Variants in ZNF385D observed in about 807,000 individuals in gnomAD.
ZNF385D encodes the protein zinc finger protein 659.
A neutral mutation model predicts 35.8 loss-of-function variants in ZNF385D; 15 were observed. The observed-to-expected ratio is 0.42, with a 90% CI of 0.28 to 0.64. ZNF385D has a LOEUF of 0.64. ZNF385D is among the 30% of genes least tolerant of loss of function. The pLI, the probability that ZNF385D is intolerant of heterozygous loss-of-function variation, is 0.23. For synonymous variants in ZNF385D, 212 were observed against 186.8 expected, an observed-to-expected ratio of 1.13 and a Z score of -1.10; for missense variants, 474 against 494.6, an observed-to-expected ratio of 0.96 and a Z score of 0.39.
intron 2 of ZNF385D, among the ~76,000 whole-genome samples, chr3:22,344,177 G>GGGGTGTGTGT (rs1553652922): frequency 6.4e-5 from 9 of 140,846 alleles, no homozygotes; most frequent in Admixed American, 1.4e-4. Flanking sequence ...GGTGGGGTGG[G>GGGGTGTGTGT]GTGTGTGTGT....
intron 4 of ZNF385D, among the ~76,000 whole-genome samples, chr3:21,501,622 A>T (rs1236604497): frequency 6.6e-6 from 1 of 152,198 alleles, no homozygotes; most frequent in African/African-American, 2.4e-5. Flanking sequence ...GTTTTCATAG[A>T]TACTCATTTG....
chr3:22,329,886 T>C (rs1324752811), intron 2 of ZNF385D, among the ~76,000 whole-genome samples: 1 of 152,236 alleles, frequency 6.6e-6, no homozygotes. Flanking sequence ...TGAAATATGG[T>C]ATGTGTTTTA....
At chr3:21,816,712 A>G (rs1198295204) in intron 3 of ZNF385D, among the ~76,000 whole-genome samples, 2 of 152,218 alleles carry the variant, frequency 1.3e-5, no homozygotes, top group African/African-American at 4.8e-5. Flanking sequence ...AGAACATTCC[A>G]TGCTCATAGA....
intron 3 of ZNF385D, among the ~76,000 whole-genome samples, chr3:21,835,379 C>A (rs1695268653): frequency 6.6e-6 from 1 of 151,768 alleles, no homozygotes. Flanking sequence ...GATGAGTTTT[C>A]CCTCCAGAAA....
At chr3:22,289,400 A>G in intron 2 of ZNF385D, among the ~76,000 whole-genome samples, 1 of 152,180 alleles carries the variant, frequency 6.6e-6, no homozygotes, top group South Asian at 2.1e-4. Flanking sequence ...ACTTGGCTTT[A>G]TCACTGGCAT....
At chr3:22,168,871 A>G in exon 3 of ZNF385D, 1 of 985,774 alleles carries the variant, frequency 1.0e-6, no homozygotes, top group Non-Finnish European at 1.2e-6. Flanking sequence ...TTTTGATGTG[A>G]TTTGCCATTG....
At chr3:22,047,671 G>C (rs111363792) in intron 3 of ZNF385D, among the ~76,000 whole-genome samples, 11 of 151,936 alleles carry the variant, frequency 7.2e-5, no homozygotes, top group Non-Finnish European at 1.2e-4. Flanking sequence ...GGTTGATTTC[G>C]TATCTTAGCT....
chr3:22,029,871 T>A (rs1026835490), intron 3 of ZNF385D, among the ~76,000 whole-genome samples: 2 of 152,004 alleles, frequency 1.3e-5, no homozygotes, highest in African/African-American at 4.8e-5. Context: ...GGTGGACTTG[T>A]GATGGTTAAT....
intron 1 of ZNF385D, among the ~76,000 whole-genome samples, chr3:21,737,027 C>T (rs1419770079): frequency 6.6e-6 from 1 of 152,152 alleles, no homozygotes; most frequent in Non-Finnish European, 1.5e-5. Context: ...GCAACCTCTG[C>T]CTCCTGGGTT....
chr3:21,647,405 C>T (rs979006688), intron 2 of ZNF385D, among the ~76,000 whole-genome samples: 2 of 150,840 alleles, frequency 1.3e-5, no homozygotes, highest in Non-Finnish European at 3.0e-5. Context: ...TTCTTCTCTC[C>T]CTCTTTTCCT....
At chr3:22,206,779 C>A (rs1005067645) in intron 2 of ZNF385D, among the ~76,000 whole-genome samples, 9 of 151,696 alleles carry the variant, frequency 5.9e-5, no homozygotes, top group Admixed American at 5.3e-4. Flanking sequence ...GTAAAAGCAA[C>A]ACTAAGGAGG....
At chr3:22,070,583 A>T (rs1342786597) in intron 3 of ZNF385D, among the ~76,000 whole-genome samples, 2 of 152,138 alleles carry the variant, frequency 1.3e-5, no homozygotes, top group Non-Finnish European at 2.9e-5. Context: ...AAAGGATGAA[A>T]CTATTTTCAA....
chr3:21,599,333 G>T (rs1485354104), intron 2 of ZNF385D, among the ~76,000 whole-genome samples: 3 of 152,106 alleles, frequency 2.0e-5, no homozygotes, highest in African/African-American at 7.2e-5. Context: ...ACATACTACT[G>T]CATGAATGAA....
chr3:21,799,660 T>C (rs955831243), intron 3 of ZNF385D, among the ~76,000 whole-genome samples: 1 of 152,286 alleles, frequency 6.6e-6, no homozygotes, highest in Admixed American at 6.5e-5. Flanking sequence ...CTTTTCATAT[T>C]CTGAGTATTA....
At chr3:21,637,890 G>C (rs942522639) in intron 2 of ZNF385D, among the ~76,000 whole-genome samples, 1 of 151,946 alleles carries the variant, frequency 6.6e-6, no homozygotes, top group Non-Finnish European at 1.5e-5. Context: ...TCAACAAATC[G>C]AAGACCTCTA....
At chr3:21,637,403 T>C (rs2065481364) in intron 2 of ZNF385D, among the ~76,000 whole-genome samples, 1 of 152,076 alleles carries the variant, frequency 6.6e-6, no homozygotes, top group African/African-American at 2.4e-5. Flanking sequence ...CAAAGATTAG[T>C]TGGCTGTTAA....
At chr3:21,836,797 C>A (rs1025200344) in intron 3 of ZNF385D, among the ~76,000 whole-genome samples, 3 of 152,000 alleles carry the variant, frequency 2.0e-5, no homozygotes, top group Non-Finnish European at 4.4e-5. Flanking sequence ...AAAAAACATT[C>A]TCGGCTCACA....
At chr3:21,501,835 G>T (rs1706393343) in intron 4 of ZNF385D, among the ~76,000 whole-genome samples, 1 of 152,210 alleles carries the variant, frequency 6.6e-6, no homozygotes, top group East Asian at 1.9e-4. Context: ...TTCCAGAAGT[G>T]TGGCATCTGC....
chr3:21,547,543 C>T (rs2062419039), intron 3 of ZNF385D, among the ~76,000 whole-genome samples: 1 of 152,022 alleles, frequency 6.6e-6, no homozygotes, highest in African/African-American at 2.4e-5. Flanking sequence ...AATAGCGCCT[C>T]CTGTTAGCAG....
Sources: allele counts gnomAD v4.1 joint callset (sites outside exome capture counted in the v4.1 genomes callset), GRCh38; gene constraint gnomAD v4.1.1; transcripts MANE v1.5; gene names NCBI Gene and HGNC (gene_info 2026-07-23, HGNC 2026-07-21).